HINFP: variants seen among roughly 807,000 people sequenced by gnomAD.
HINFP encodes MBD2 (methyl-CpG-binding protein)-interacting zinc finger protein.
Under a neutral mutation model 50.1 loss-of-function variants are expected in HINFP, and 20 were observed. The observed-to-expected ratio is 0.40, with a 90% confidence interval of 0.28 to 0.58. HINFP has a LOEUF of 0.58. HINFP is among the 20% of genes least tolerant of loss of function. HINFP has a pLI of 0.45. For synonymous variants in HINFP, 247 were observed against 243.7 expected (o/e 1.01, Z -0.13); for missense variants, 505 against 664.1 (o/e 0.76, Z 2.63).
At chr11:119,130,477 C>T in intron 2 of HINFP, 1 of 499,504 alleles carries the variant, frequency 2.0e-6, no homozygotes, top group Non-Finnish European at 3.6e-6. Context: ...GATGAATATG[C>T]TTTCTCCCTG....
rs765587616 is a variant in HINFP, at chr11:119,130,678, G to C, written c.182-47G>C. The C allele has an allele frequency of 2.6e-6, 4 of 1,558,862 alleles. No individual in the cohort carries two copies. The South Asian group carries it at 4.5e-5, about 18-fold the overall frequency. On this transcript the variant is annotated intron_variant, in intron 2 of 9. Coordinates refer to ENST00000350777, the MANE Select transcript of HINFP (RefSeq NM_198971.3). ...TAGTGCTGCAGGTGGAAGGTGACCT[G>C]AGCCTTGGAAAGTGTCAGACTCTTC...
Position 119,127,046 on chromosome 11 carries a change from G to A in HINFP, c.102G>A (p.Glu34=). ...GCTCAACCATGGAAAAGTTCTTTGAGCATGTCACTCAGCACCTGCAGCAGC... is the reference window on the plus strand; with the variant it reads ...GCTCAACCATGGAAAAGTTCTTTGAACATGTCACTCAGCACCTGCAGCAGC... The part of the protein sequence containing the change: ...FVCSTMEKFF[E]HVTQHLQQHL... The change falls in exon 2 of 10, where the codon GAG becomes GAA. Residue 34 remains glutamate, a synonymous_variant. Transcript: ENST00000350777. 1.9e-6 allele frequency: 3 copies of A among 1,614,158 alleles called. No homozygotes were observed. Among genetic ancestry groups the A allele is most frequent in the Non-Finnish European group, 2.5e-6 (3 of 1,180,030 alleles).
intron 2 of HINFP, chr11:119,130,222 G>C (rs1323326214): frequency 6.5e-6 from 1 of 152,872 alleles, no homozygotes; most frequent in Admixed American, 6.5e-5. Context: ...GAGGACTTGC[G>C]TGCCGGCCAT....
intron 2 of HINFP, among the ~76,000 whole-genome samples, chr11:119,128,909 G>C (rs1255436636): frequency 2.6e-5 from 4 of 151,880 alleles, no homozygotes; most frequent in Non-Finnish European, 5.9e-5. Flanking sequence ...CACTGTGTTA[G>C]CCAGGATGGG....
intron 1 of HINFP, among the ~76,000 whole-genome samples, chr11:119,122,663 A>G (rs764593062): frequency 9.2e-5 from 14 of 152,278 alleles, no homozygotes; most frequent in Non-Finnish European, 2.1e-4. Context: ...AGTGATGGCC[A>G]CTGTCCTGAG....
At chr11:119,127,295 C>T (rs1947461820) in intron 2 of HINFP, 170 bp downstream of exon 2, 1 of 551,694 alleles carries the variant, frequency 1.8e-6, no homozygotes, top group South Asian at 3.0e-5. Flanking sequence ...ACTCAGTCAA[C>T]AAGGATATAA....
chr11:119,126,104 G>A (rs1174769959), intron 1 of HINFP: 3 of 152,200 alleles, frequency 2.0e-5, no homozygotes, highest in African/African-American at 7.2e-5. Flanking sequence ...TATGATCCCA[G>A]CACTTTGGGA....
intron 2 of HINFP, chr11:119,127,395 A>G (rs1029022370): frequency 1.4e-4 from 36 of 264,134 alleles, no homozygotes; most frequent in African/African-American, 7.6e-4. Context: ...CTGTGTTTAC[A>G]TATATTTAAA....
rs777689724 is a variant in HINFP, at chr11:119,127,092, G to A, written c.148G>A (p.Glu50Lys). ...LQQHLHGSGE[E>K]EEEEEEDDPL... ...GCAGCACCTGCATGGCTCTGGGGAG[G>A]AGGAGGAAGAGGAAGAGGAGGATGA... The change falls in exon 2 of 10, where the codon GAG becomes AAG. Residue 50 changes from glutamate (E) to lysine (K), a missense_variant. Glu to Lys is a moderately conservative substitution (Grantham distance 56). Coordinates refer to ENST00000350777, the MANE Select transcript of HINFP (RefSeq NM_198971.3). 2 of 1,613,176 alleles carry A rather than the reference G, an allele frequency of 1.2e-6. No homozygotes were observed. Among genetic ancestry groups the A allele is most frequent in the African/African-American group, 2.7e-5 (2 of 74,900 alleles).
intron 2 of HINFP, among the ~76,000 whole-genome samples, chr11:119,129,490 C>CTTTTTTTTTTTTTTTTTTTTTTTTTT (rs59395600): frequency 8.1e-5 from 10 of 124,172 alleles, no homozygotes; most frequent in South Asian, 6.9e-4. Context: ...TTTTTCTTTT[C>CTTTTTTTTTTTTTTTTTTTTTTTTTT]TTTTTTTTTT....
At chr11:119,133,834 C>T (rs866799239) in intron 9 of HINFP, 1 of 588,118 alleles carries the variant, frequency 1.7e-6, no homozygotes, top group Middle Eastern at 4.6e-4. Context: ...CTTTCACCCT[C>T]CAACACAGTC....
intron 1 of HINFP, among the ~76,000 whole-genome samples, chr11:119,122,818 G>T (rs1232624695): frequency 6.6e-6 from 1 of 152,116 alleles, no homozygotes; most frequent in Non-Finnish European, 1.5e-5. Context: ...GGGTTTGAAA[G>T]GCGAATAGAA....
At position 119,123,706 on chromosome 11, in the gene HINFP, G is replaced by GTTT. The variant is rs71470956; in HGVS notation, c.-11+2090_-11+2092dup. 9.8e-3 allele frequency: 725 copies of GTTT among 73,628 alleles called. 14 individuals carry two copies. Among genetic ancestry groups the GTTT allele is most frequent in the East Asian group, 0.024 (51 of 2,158 alleles). The allele number at this position is 73,628 out of a possible 1,614,324, so 4.6% of individuals were successfully genotyped here. The stretch of plus-strand genomic sequence containing the variant: ...GCAGGTGCATGCTACCACATCGGCT[G>GTTT]TTTTTTTTTTTTTTTTTTTTTTTTT... On this transcript the variant is annotated intron_variant, in intron 1 of 9. Transcript: ENST00000350777.
In HINFP at chr11:119,134,132, C is replaced by G; in HGVS notation, c.1188C>G (p.Tyr396Ter). 6.2e-7 allele frequency: 1 copy of G among 1,614,094 alleles called. No individual in the cohort carries two copies. Among genetic ancestry groups the G allele is most frequent in the South Asian group, 1.1e-5 (1 of 91,082 alleles). Residue 396 changes from tyrosine to a stop codon, truncating the protein, a stop_gained, in exon 10 of 10, where the codon TAC becomes TAG. Coordinates refer to ENST00000350777, the MANE Select transcript of HINFP (RefSeq NM_198971.3). LOFTEE classifies it low-confidence loss of function (END_TRUNC). The surrounding 1 kb of genome is among the most constrained non-coding windows in gnomAD (Gnocchi z 4.3). ...ATATGCGGCTGCAGCTGGTTCGCTA[C>G]GAGAGTGTAGAGCTGACACAGCAAC... ...DGYMRLQLVR[Y>*]ESVELTQQLL...
chr11:119,132,449 T>C (rs756361195), intron 5 of HINFP, 47 bp from the exon 6 acceptor site: 2 of 1,597,250 alleles, frequency 1.3e-6, no homozygotes, highest in South Asian at 2.2e-5. Context: ...TCTGTGCCTC[T>C]CCACTATCAC....
rs990896159 is a variant in HINFP at position 119,134,936 on chromosome 11, T to C, written c.*438T>C. The C allele has an allele frequency of 1.9e-5, 3 of 158,584 alleles. No homozygotes were observed. Among genetic ancestry groups the C allele is most frequent in the African/African-American group, 7.2e-5 (3 of 41,630 alleles). The allele number at this position is 158,584 out of a possible 1,614,324, so 9.8% of individuals were successfully genotyped here. On this transcript the variant is annotated 3_prime_UTR_variant, in exon 10 of 10. Coordinates refer to ENST00000350777, the MANE Select transcript of HINFP (RefSeq NM_198971.3). The surrounding 1 kb of genome is among the most constrained non-coding windows in gnomAD (Gnocchi z 4.3). ...TGATAACCAAGTAGCCATTTTCCTC[T>C]TAAGGTTTCCTCTACAACCCCAAGG...
rs1948027348 is a variant in HINFP, at chr11:119,136,007, C to T, written c.*1509C>T. ...ATGCCACTGCACTCCAGCCTGGCGACACAGTGAGACTCCGTCTCAAATAAA... is the reference window on the plus strand; with the variant it reads ...ATGCCACTGCACTCCAGCCTGGCGATACAGTGAGACTCCGTCTCAAATAAA... On this transcript the variant is annotated 3_prime_UTR_variant, in exon 10 of 10. Transcript: ENST00000350777. 1 of 151,996 alleles carries T rather than the reference C, an allele frequency of 6.6e-6. No individual in the cohort carries two copies. Among genetic ancestry groups the T allele is most frequent in the African/African-American group, 2.4e-5 (1 of 41,400 alleles). The allele number at this position is 151,996 out of a possible 1,614,324, so 9.4% of individuals were successfully genotyped here.
Position 119,129,490 on chromosome 11 carries a change from C to CTTTTTTTTTT in HINFP, c.182-1229_182-1220dup, listed in dbSNP as rs59395600. ...TCTGGCAGGAATACATTTTTCTTTT[C>CTTTTTTTTTT]TTTTTTTTTTTTTTTGTGGGAGTGC... On this transcript the variant is annotated intron_variant, in intron 2 of 9. Transcript: ENST00000350777. 1.4e-4 allele frequency among the ~76,000 whole-genome samples: 18 copies of CTTTTTTTTTT among 124,166 alleles called. 1 individual carries two copies. The highest frequency in any genetic ancestry group is 3.4e-4 in the South Asian group (1 of 2,908). The allele number at this position is 124,166 out of a possible 152,430, so 81.5% of individuals were successfully genotyped here.
Position 119,134,432 on chromosome 11 carries a change from AC to A in HINFP, c.1490del (p.Pro497LeufsTer12). 1 of 1,613,970 alleles carries A rather than the reference AC, an allele frequency of 6.2e-7. No individual in the cohort carries two copies. Among genetic ancestry groups the A allele is most frequent in the Non-Finnish European group, 8.5e-7 (1 of 1,179,894 alleles). ...PGEPPPAPEP[P>X]SGGIMEKLQG... ...GGGAGCCTCCCCCAGCCCCTGAGCC[AC>A]CTTCAGGGGGCATCATGGAAAAGCT... is the stretch of plus-strand genomic sequence containing the variant. On this transcript the variant is annotated frameshift_variant, in exon 10 of 10. Coordinates refer to ENST00000350777, the MANE Select transcript of HINFP (RefSeq NM_198971.3). LOFTEE classifies it high-confidence loss of function. This position sits in a 1 kb window ranked among gnomAD's most constrained non-coding sequence, Gnocchi z 4.3.
Sources: gnomAD v4.1 joint callset for allele counts (sites outside exome capture counted in the v4.1 genomes callset) on GRCh38, gnomAD v4.1.1 for gene constraint, Gnocchi (gnomAD v3.1) non-coding constraint, MANE v1.5 for transcripts, NCBI Gene and HGNC (gene_info 2026-07-23, HGNC 2026-07-21) for gene names.